The following UGGT1 variants were observed in gnomAD, a reference collection of about 807,000 sequenced individuals.
The protein encoded by UGGT1 is UDP-glucose glycoprotein glucosyltransferase 1.
In UGGT1, 107 loss-of-function variants were observed where a neutral mutation model predicts 203.9. That is an observed-to-expected ratio of 0.52 (90% CI 0.45 to 0.62). The LOEUF is 0.62. UGGT1 is among the 20% of genes least tolerant of loss of function. UGGT1 has a pLI of 0.00. For synonymous variants in UGGT1, 628 were observed against 653.5 expected, an observed-to-expected ratio of 0.96 and a Z score of 0.59; for missense variants, 1,673 against 1,867.2, an observed-to-expected ratio of 0.90 and a Z score of 1.92.
At position 128,143,341 on chromosome 2, in the gene UGGT1, A is replaced by G. The variant is rs1573565077; in HGVS notation, c.1851+116A>G. The G allele has an allele frequency of 1.6e-5, 19 of 1,191,584 alleles. 1 individual carries two copies. The East Asian group carries it at 5.2e-4, about 33-fold the overall frequency. The allele number at this position is 1,191,584 out of a possible 1,614,324, so 73.8% of individuals were successfully genotyped here. A position where few individuals can be genotyped will look rare whatever the true frequency, so the allele number is the denominator to read the frequency against. On this transcript the variant is annotated intron_variant, in intron 17 of 40. Coordinates refer to ENST00000259253, the MANE Select transcript of UGGT1 (RefSeq NM_020120.4). Reference sequence around the variant, plus strand: ...TGGTTAAAGTGTTTCAGTACTTAGCATTTAAAAGTTTAGAAACCAGATCAC... The same window carrying G: ...TGGTTAAAGTGTTTCAGTACTTAGCGTTTAAAAGTTTAGAAACCAGATCAC...
At chr2:128,116,454 T>G in intron 8 of UGGT1, 111 bp downstream of exon 8, 1 of 689,362 alleles carries the variant, frequency 1.5e-6, no homozygotes, top group Non-Finnish European at 2.6e-6. Context: ...TCTCATCTCC[T>G]AACAGTACTT....
At chr2:128,091,666 T>A in intron 1 of UGGT1, 1 of 1,238,414 alleles carries the variant, frequency 8.1e-7, no homozygotes, top group Non-Finnish European at 1.1e-6. Context: ...GAGCTTTAGA[T>A]CCTTGTGCCA....
rs374634356 is a variant in UGGT1, at chr2:128,173,951, G to A, written c.3453+12G>A. Reference sequence around the variant, plus strand: ...TTATGGCCAATCTGGTAAATAATCTGTTCATCAGATAGTGATATTGTAGTT... The same window carrying A: ...TTATGGCCAATCTGGTAAATAATCTATTCATCAGATAGTGATATTGTAGTT... On this transcript the variant is annotated intron_variant, in intron 30 of 40. Coordinates refer to ENST00000259253, the MANE Select transcript of UGGT1 (RefSeq NM_020120.4). The A allele has an allele frequency of 6.2e-7, 1 of 1,612,932 alleles. No individual in the cohort carries two copies. Among genetic ancestry groups the A allele is most frequent in the East Asian group, 2.2e-5 (1 of 44,854 alleles).
chr2:128,171,452 A>G, intron 28 of UGGT1, 168 bp downstream of exon 28: 2 of 646,942 alleles, frequency 3.1e-6, no homozygotes, highest in Non-Finnish European at 5.2e-6. Flanking sequence ...AGTTCTAAGA[A>G]CATAGTGTGT....
At chr2:128,167,734 A>G (rs1690865701) in intron 26 of UGGT1, among the ~76,000 whole-genome samples, 1 of 152,240 alleles carries the variant, frequency 6.6e-6, no homozygotes, top group South Asian at 2.1e-4. Flanking sequence ...GAATACATTT[A>G]AACATGATGT....
intron 14 of UGGT1, among the ~76,000 whole-genome samples, chr2:128,133,886 G>GAGC (rs1489229342): frequency 6.7e-6 from 1 of 149,582 alleles, no homozygotes; most frequent in African/African-American, 2.5e-5. Flanking sequence ...AGAGAGAGAG[G>GAGC]GTTCTTCATT....
At position 128,138,803 on chromosome 2, in the gene UGGT1, A is replaced by G. The variant is rs1300951099; in HGVS notation, c.1670A>G (p.Tyr557Cys). ...AGVAVLRAYN[Y>C]VAQEVDDYHA... ...GTGGCTGTTCTTAGAGCATATAATTATGTTGCCCAAGAAGTGGATGATTAT... is the reference window on the plus strand; with the variant it reads ...GTGGCTGTTCTTAGAGCATATAATTGTGTTGCCCAAGAAGTGGATGATTAT... The change falls in exon 16 of 41, where the codon TAT (tyrosine) becomes TGT (cysteine). Residue 557 changes from tyrosine (Y) to cysteine (C), a missense_variant. Tyr to Cys is a radical substitution (Grantham distance 194, BLOSUM62 -2). Around this residue, in one of 4 missense-constraint regions of UGGT1, gnomAD observed 1,073 missense variants for 1,078.7 expected, o/e 0.99. Transcript: ENST00000259253. The G allele has an allele frequency of 3.1e-6, 5 of 1,614,068 alleles. No homozygotes were observed. Among genetic ancestry groups the G allele is most frequent in the Non-Finnish European group, 4.2e-6 (5 of 1,180,042 alleles).
At position 128,193,206 on chromosome 2, in the gene UGGT1, A is replaced by T. The variant is rs1459407352; in HGVS notation, c.*3464A>T. On this transcript the variant is annotated 3_prime_UTR_variant, in exon 41 of 41. Coordinates refer to ENST00000259253, the MANE Select transcript of UGGT1 (RefSeq NM_020120.4). ...AAAAAAAAAAAAAAAAAAAAAAATT[A>T]AAACAGTTTCCATAAATGGAGCTTA... 1.3e-5 allele frequency: 2 copies of T among 150,990 alleles called. No homozygotes were observed. The highest frequency in any genetic ancestry group is 4.9e-5 in the African/African-American group (2 of 41,086). The allele number at this position is 150,990 out of a possible 1,614,324, so 9.4% of individuals were successfully genotyped here. A position where few individuals can be genotyped will look rare whatever the true frequency, so the allele number is the denominator to read the frequency against.
At chr2:128,129,965 A>G (rs1393219931) in intron 13 of UGGT1, among the ~76,000 whole-genome samples, 2 of 152,058 alleles carry the variant, frequency 1.3e-5, no homozygotes, top group Admixed American at 6.6e-5. Flanking sequence ...TCTGTCAGAG[A>G]ATGTGGGGAA....
At chr2:128,184,759 G>A (rs1230203237) in intron 38 of UGGT1, among the ~76,000 whole-genome samples, 1 of 151,670 alleles carries the variant, frequency 6.6e-6, no homozygotes, top group African/African-American at 2.4e-5. Context: ...TGCACTCACT[G>A]CAACCTCCAC....
intron 15 of UGGT1, among the ~76,000 whole-genome samples, chr2:128,136,714 C>T (rs1042409173): frequency 7.2e-5 from 11 of 152,192 alleles, no homozygotes; most frequent in African/African-American, 2.2e-4. Context: ...ACAGCTTCTT[C>T]GGGTAAATAC....
intron 27 of UGGT1, 143 bp from the exon 28 acceptor site, chr2:128,171,062 T>G: frequency 1.4e-6 from 1 of 716,858 alleles, no homozygotes; most frequent in Non-Finnish European, 2.3e-6. Context: ...GCAGTAGAGT[T>G]GTGATTTCCA....
chr2:128,151,655 T>C lies in UGGT1; in HGVS notation c.2017-1129T>C, dbSNP rs533327950. ...TCGGGCACGGTGAGAGAGGATCTCT[T>C]GAGCCCAGGAGTTTGAGACTAGCCT... On this transcript the variant is annotated intron_variant, in intron 18 of 40. Coordinates refer to ENST00000259253, the MANE Select transcript of UGGT1 (RefSeq NM_020120.4). Among the ~76,000 whole-genome samples the C allele has an allele frequency of 7.2e-5, 11 of 152,306 alleles. No individual in the cohort carries two copies. In the South Asian group the frequency reaches 8.3e-4, roughly 11 times the overall value.
At chr2:128,135,425 C>T (rs200679431) in intron 15 of UGGT1, among the ~76,000 whole-genome samples, 1,967 of 152,226 alleles carry the variant, frequency 0.013, 54 homozygotes, top group African/African-American at 0.045. Context: ...TTTCCACTGT[C>T]TTTTTAAGAA....
At chr2:128,095,459 C>T (rs1386184465) in intron 1 of UGGT1, among the ~76,000 whole-genome samples, 5 of 127,898 alleles carry the variant, frequency 3.9e-5, no homozygotes, top group Non-Finnish European at 8.0e-5. Context: ...TTTCTTCTTT[C>T]TTTCCTCTTC....
At chr2:128,113,541 A>G (rs2105370059) in intron 6 of UGGT1, among the ~76,000 whole-genome samples, 1 of 152,318 alleles carries the variant, frequency 6.6e-6, no homozygotes, top group African/African-American at 2.4e-5. Flanking sequence ...TATGGTCATC[A>G]TACTATGGAA....
At chr2:128,178,338 C>T (rs1691502525) in intron 33 of UGGT1, 130 bp from the exon 34 acceptor site, 3 of 786,310 alleles carry the variant, frequency 3.8e-6, no homozygotes, top group Non-Finnish European at 4.1e-6. Flanking sequence ...AGGGAAGCTT[C>T]ATAACCACTC....
chr2:128,174,943 C>A, intron 31 of UGGT1, 85 bp downstream of exon 31: 1 of 1,152,398 alleles, frequency 8.7e-7, no homozygotes, highest in Non-Finnish European at 1.2e-6. Context: ...TGGCAGTTAG[C>A]CAGGCAACAT....
At chr2:128,095,435 T>TC (rs1553430285) in intron 1 of UGGT1, among the ~76,000 whole-genome samples, 3 of 140,136 alleles carry the variant, frequency 2.1e-5, no homozygotes, top group Admixed American at 1.5e-4. Context: ...CCCTCCTCCT[T>TC]CTCTTCCTCC....
Sources: allele counts gnomAD v4.1 joint callset (sites outside exome capture counted in the v4.1 genomes callset), GRCh38; gene constraint gnomAD v4.1.1; regional missense constraint gnomAD v4.1.1; transcripts MANE v1.5; gene names NCBI Gene and HGNC (gene_info 2026-07-23, HGNC 2026-07-21).